The following CENPC variants were observed in gnomAD, a reference collection of about 807,000 sequenced individuals.
The protein encoded by CENPC is CENP-C 1.
CENPC carries 63 observed loss-of-function variants against 112.1 expected under a neutral mutation model. The ratio of observed to expected loss-of-function variants is 0.56; its 90% confidence interval spans 0.46 to 0.69. CENPC has a LOEUF of 0.69. Ranked by LOEUF, CENPC falls within the 30% of genes least tolerant of loss-of-function variation. The pLI is 0.00. For synonymous variants in CENPC, 333 were observed against 367.6 expected, an observed-to-expected ratio of 0.91 and a Z score of 1.08; for missense variants, 1,000 against 1,103.8, an observed-to-expected ratio of 0.91 and a Z score of 1.33.
chr4:67,514,373 T>C lies in CENPC; in HGVS notation c.1145A>G (p.Asp382Gly), dbSNP rs777757904. 6 of 1,613,178 alleles carry C rather than the reference T, an allele frequency of 3.7e-6. No individual in the cohort carries two copies. In the South Asian group the frequency reaches 5.5e-5, roughly 15 times the overall value. Residue 382 changes from aspartate to glycine, a missense_variant, in exon 8 of 19, where the codon GAT becomes GGT. Coordinates refer to ENST00000273853, the MANE Select transcript of CENPC (RefSeq NM_001812.4). The part of the protein sequence containing the change: ...TSQPSDKTVL[D>G]TSYALIGETV... ...TTCACCTATCAAAGCATAACTTGTA[T>C]CCAGTACTGTTTTATCAGAGGGCTG...
In CENPC at chr4:67,505,195, A is replaced by G. The variant is rs1217053081; in HGVS notation, c.2131+10T>C. 1 of 1,545,948 alleles carries G rather than the reference A, an allele frequency of 6.5e-7. No homozygotes were observed. The highest frequency in any genetic ancestry group is 8.8e-7 in the Non-Finnish European group (1 of 1,140,818). ...ATAAAAATCAAGACAGAAAAAAAAC[A>G]ATAGTTTACCTGAACTTCCATGAAC... On this transcript the variant is annotated intron_variant, in intron 12 of 18. Transcript: ENST00000273853.
intron 4 of CENPC, among the ~76,000 whole-genome samples, chr4:67,534,650 ATTTC>A (rs1309474531): frequency 2.6e-5 from 4 of 152,342 alleles, no homozygotes; most frequent in East Asian, 1.9e-4. Context: ...AGCGGGAAAG[ATTTC>A]TTTGTCAGAA....
At chr4:67,482,575 G>A (rs1724984682) in intron 17 of CENPC, among the ~76,000 whole-genome samples, 1 of 152,186 alleles carries the variant, frequency 6.6e-6, no homozygotes, top group Non-Finnish European at 1.5e-5. Context: ...AAAAAGGAAT[G>A]AAATAATGGA....
chr4:67,472,539 C>A lies in CENPC; in HGVS notation c.*66G>T. The A allele has an allele frequency of 7.6e-7, 1 of 1,317,546 alleles. No individual in the cohort carries two copies. Among genetic ancestry groups the A allele is most frequent in the Non-Finnish European group, 9.7e-7 (1 of 1,026,096 alleles). 81.6% of individuals were successfully genotyped at this position (1,317,546 alleles called of 1,614,324 possible). On this transcript the variant is annotated 3_prime_UTR_variant, in exon 19 of 19. Coordinates refer to ENST00000273853, the MANE Select transcript of CENPC (RefSeq NM_001812.4). ...ACAAGTAATTACAAAGACAAATATT[C>A]CAACTATACAAACTGTTTTTCACAT...
chr4:67,523,554 T>C (rs1386275680), intron 5 of CENPC, among the ~76,000 whole-genome samples: 1 of 152,184 alleles, frequency 6.6e-6, no homozygotes, highest in African/African-American at 2.4e-5. Flanking sequence ...ATAATCCACG[T>C]GGTAATGGAT....
At chr4:67,497,822 A>G (rs62301092) in intron 12 of CENPC, among the ~76,000 whole-genome samples, 96,202 of 151,994 alleles carry the variant, frequency 0.63, 30,715 homozygotes, top group East Asian at 0.81. Context: ...GAGCCACCAT[A>G]CCCAGCCAAA....
At chr4:67,511,892 TTGCAC>T in intron 9 of CENPC, among the ~76,000 whole-genome samples, 1 of 152,262 alleles carries the variant, frequency 6.6e-6, no homozygotes. Flanking sequence ...TCTACTGAAT[TTGCAC>T]TGCATCCTTT....
intron 17 of CENPC, among the ~76,000 whole-genome samples, chr4:67,485,349 A>C (rs1336940985): frequency 6.6e-6 from 1 of 152,184 alleles, no homozygotes; most frequent in Non-Finnish European, 1.5e-5. Context: ...GGTAGCACAC[A>C]CTGGCAGTGA....
intron 6 of CENPC, among the ~76,000 whole-genome samples, 177 bp downstream of exon 6, chr4:67,519,040 T>G (rs1359538929): frequency 6.6e-6 from 1 of 152,202 alleles, no homozygotes; most frequent in Non-Finnish European, 1.5e-5. Flanking sequence ...TGAAGTACAC[T>G]TTAAGCCCTT....
intron 4 of CENPC, among the ~76,000 whole-genome samples, chr4:67,536,775 AAAATT>A (rs1407233712): frequency 1.3e-5 from 2 of 151,362 alleles, no homozygotes; most frequent in Admixed American, 6.6e-5. Context: ...TATGAAAAAT[AAAATT>A]AAGAAAAAAA....
At chr4:67,475,315 C>T (rs1177711429) in intron 17 of CENPC, among the ~76,000 whole-genome samples, 1 of 152,214 alleles carries the variant, frequency 6.6e-6, no homozygotes, top group African/African-American at 2.4e-5. Flanking sequence ...AGATGTGGGG[C>T]CATATGCCAA....
At chr4:67,486,968 GT>G (rs58948980) in intron 17 of CENPC, among the ~76,000 whole-genome samples, 31 of 131,830 alleles carry the variant, frequency 2.4e-4, no homozygotes, top group African/African-American at 8.8e-4. Flanking sequence ...TTGCTTTTAG[GT>G]TTTTTTTTTT....
Position 67,518,370 on chromosome 4 carries a change from TAA to T in CENPC, c.618-4_618-3del. The T allele has an allele frequency of 6.6e-7, 1 of 1,514,402 alleles. No homozygotes were observed. Among genetic ancestry groups the T allele is most frequent in the Non-Finnish European group, 8.8e-7 (1 of 1,136,250 alleles). 93.8% of individuals were successfully genotyped at this position (1,514,402 alleles called of 1,614,324 possible). A position where few individuals can be genotyped will look rare whatever the true frequency, so the allele number is the denominator to read the frequency against. ...ATAACTTTATCATCAAAGTTTAACC[TAA>T]AAGGTTAAAAGGAGGGTAAGCTGAA... On this transcript the variant is annotated splice_region_variant and splice_polypyrimidine_tract_variant and intron_variant, in intron 6 of 18. Coordinates refer to ENST00000273853, the MANE Select transcript of CENPC (RefSeq NM_001812.4).
chr4:67,505,021 C>T (rs1725695363), intron 12 of CENPC, 184 bp downstream of exon 12: 1 of 560,770 alleles, frequency 1.8e-6, no homozygotes, highest in Non-Finnish European at 3.2e-6. Context: ...ACTTAAAAAA[C>T]TGTCACTCAT....
In CENPC at chr4:67,472,112, T is replaced by C. The variant is rs1449586252; in HGVS notation, c.*493A>G. On this transcript the variant is annotated 3_prime_UTR_variant, in exon 19 of 19. Coordinates refer to ENST00000273853, the MANE Select transcript of CENPC (RefSeq NM_001812.4). ...ATCACGGCCTTGACAACACCTTGATTTCAGACTTCTAGCCTCTAGAACTGA... is the reference window on the plus strand; with the variant it reads ...ATCACGGCCTTGACAACACCTTGATCTCAGACTTCTAGCCTCTAGAACTGA... 1 of 152,248 alleles carries C rather than the reference T, an allele frequency of 6.6e-6. No individual in the cohort carries two copies. The highest frequency in any genetic ancestry group is 1.9e-4 in the East Asian group (1 of 5,202). 9.4% of individuals were successfully genotyped at this position (152,248 alleles called of 1,614,324 possible). A position where few individuals can be genotyped will look rare whatever the true frequency, so the allele number is the denominator to read the frequency against.
chr4:67,482,531 G>C (rs114010184), intron 17 of CENPC, among the ~76,000 whole-genome samples: 1 of 152,080 alleles, frequency 6.6e-6, no homozygotes, highest in Non-Finnish European at 1.5e-5. Flanking sequence ...TAGATAATGT[G>C]GTATACATGT....
chr4:67,477,810 A>C (rs1030587657), intron 17 of CENPC, among the ~76,000 whole-genome samples: 1 of 152,190 alleles, frequency 6.6e-6, no homozygotes, highest in Non-Finnish European at 1.5e-5. Context: ...TTAAAAATAC[A>C]GGATTTTGAT....
Position 67,472,572 on chromosome 4 carries a change from T to C in CENPC, c.*33A>G, listed in dbSNP as rs554937464. 5 of 1,443,484 alleles carry C rather than the reference T, an allele frequency of 3.5e-6. 1 individual carries two copies. In the South Asian group the frequency reaches 4.8e-5, roughly 14 times the overall value. The allele number at this position is 1,443,484 out of a possible 1,614,324, so 89.4% of individuals were successfully genotyped here. A position where few individuals can be genotyped will look rare whatever the true frequency, so the allele number is the denominator to read the frequency against. On this transcript the variant is annotated 3_prime_UTR_variant, in exon 19 of 19. Transcript: ENST00000273853. Reference sequence around the variant, plus strand: ...ACAAACTGTTTTTCACATATACATATATACATACATATATTTAAGGTTGGT... The same window carrying C: ...ACAAACTGTTTTTCACATATACATACATACATACATATATTTAAGGTTGGT...
intron 17 of CENPC, among the ~76,000 whole-genome samples, chr4:67,477,240 A>G (rs569771980): frequency 1.3e-5 from 2 of 152,236 alleles, no homozygotes; most frequent in East Asian, 3.9e-4. Flanking sequence ...AGCACAACCA[A>G]TATTAAAGAA....
Sources: gnomAD v4.1 joint callset for allele counts (sites outside exome capture counted in the v4.1 genomes callset) on GRCh38, gnomAD v4.1.1 for gene constraint, MANE v1.5 for transcripts, NCBI Gene and HGNC (gene_info 2026-07-23, HGNC 2026-07-21) for gene names.